BTRC: variants seen among roughly 807,000 people sequenced by gnomAD.
BTRC encodes F-box/WD repeat-containing protein 1A.
BTRC carries 42 observed loss-of-function variants against 85.5 expected under a neutral mutation model. The observed-to-expected ratio is 0.49, with a 90% confidence interval of 0.38 to 0.64. BTRC has a LOEUF of 0.64. Among genes scored for constraint, BTRC ranks in the 30% least tolerant of loss-of-function variants. BTRC has a pLI of 0.00. For synonymous variants in BTRC, 255 were observed against 263.3 expected, an observed-to-expected ratio of 0.97 and a Z score of 0.30; for missense variants, 594 against 743.5, an observed-to-expected ratio of 0.80 and a Z score of 2.34.
At chr10:101,385,250 C>A (rs1462059904) in intron 1 of BTRC, among the ~76,000 whole-genome samples, 1 of 151,044 alleles carries the variant, frequency 6.6e-6, no homozygotes, top group Non-Finnish European at 1.5e-5. Flanking sequence ...ACCTGTAGTC[C>A]CAGCTACTCA....
intron 3 of BTRC, among the ~76,000 whole-genome samples, chr10:101,466,038 A>C (rs1257174765): frequency 2.0e-5 from 3 of 152,218 alleles, no homozygotes; most frequent in Non-Finnish European, 4.4e-5. Context: ...AATCAAGGGC[A>C]AAGGCCTGGG....
At chr10:101,505,143 A>G (rs7088533) in intron 4 of BTRC, among the ~76,000 whole-genome samples, 1 of 48,334 alleles carries the variant, frequency 2.1e-5, no homozygotes, top group Admixed American at 2.4e-4. Context: ...ATATATGTAT[A>G]TATATATGTA....
At chr10:101,514,771 G>T (rs759659508) in intron 4 of BTRC, among the ~76,000 whole-genome samples, 6 of 151,532 alleles carry the variant, frequency 4.0e-5, no homozygotes, top group Non-Finnish European at 7.4e-5. Flanking sequence ...GAATTATCTT[G>T]GCATCTTTCT....
intron 1 of BTRC, among the ~76,000 whole-genome samples, chr10:101,400,833 T>C (rs551907535): frequency 3.2e-4 from 48 of 152,208 alleles, no homozygotes; most frequent in Non-Finnish European, 5.1e-4. Flanking sequence ...TATTTGCTCT[T>C]CTTGTTATAA....
chr10:101,532,789 T>C (rs45562434), intron 8 of BTRC, among the ~76,000 whole-genome samples, 163 bp from the exon 9 acceptor site: 2,674 of 78,164 alleles, frequency 0.034, 90 homozygotes, highest in African/African-American at 0.15. Context: ...TGTGTGTGTG[T>C]GCGCGTGTGC....
intron 1 of BTRC, among the ~76,000 whole-genome samples, chr10:101,380,434 C>G (rs1942899183): frequency 6.6e-6 from 1 of 151,204 alleles, no homozygotes; most frequent in African/African-American, 2.4e-5. Context: ...TTGGGGAGGG[C>G]AGAAAGATCA....
rs1233840145 is a variant in BTRC at position 101,432,885 on chromosome 10, A to T, written c.156+2433A>T. Among the ~76,000 whole-genome samples the T allele has an allele frequency of 7.2e-5, 11 of 152,270 alleles. No homozygotes were observed. The East Asian group carries it at 2.1e-3, about 29-fold the overall frequency. On this transcript the variant is annotated intron_variant, in intron 2 of 14. Transcript: ENST00000370187. ...ACTCACAGAGTATTACCAACCATGA[A>T]ATTGACCTGAGCCTTTGGTGTCCAG...
chr10:101,511,667 A>G (rs1181008177), intron 4 of BTRC, among the ~76,000 whole-genome samples: 1 of 152,084 alleles, frequency 6.6e-6, no homozygotes, highest in East Asian at 1.9e-4. Flanking sequence ...GCGAGGGTTC[A>G]CACACCATCA....
intron 2 of BTRC, among the ~76,000 whole-genome samples, chr10:101,453,320 C>A (rs1389297338): frequency 1.3e-5 from 2 of 152,220 alleles, no homozygotes; most frequent in East Asian, 3.9e-4. Flanking sequence ...AAAATGTGTT[C>A]AAAATCAGTT....
At chr10:101,455,907 C>T (rs1020798881) in intron 2 of BTRC, among the ~76,000 whole-genome samples, 17 of 150,602 alleles carry the variant, frequency 1.1e-4, no homozygotes, top group Non-Finnish European at 7.4e-5. Context: ...TTTGGGAGGC[C>T]GAGGTGGGTG....
intron 3 of BTRC, among the ~76,000 whole-genome samples, chr10:101,468,094 C>A (rs991915573): frequency 6.6e-6 from 1 of 152,070 alleles, no homozygotes; most frequent in South Asian, 2.1e-4. Flanking sequence ...CAAAAAGGAG[C>A]AATTTAATAA....
chr10:101,515,514 CA>C (rs1483884166), intron 4 of BTRC, among the ~76,000 whole-genome samples: 7 of 129,454 alleles, frequency 5.4e-5, no homozygotes, highest in Non-Finnish European at 1.1e-4. Context: ...AAATTTTATC[CA>C]TTTTTTTTTT....
At chr10:101,458,318 T>C (rs1945133075) in intron 2 of BTRC, among the ~76,000 whole-genome samples, 1 of 152,166 alleles carries the variant, frequency 6.6e-6, no homozygotes, top group African/African-American at 2.4e-5. Flanking sequence ...ATGGCACAAA[T>C]TATTGAGCCA....
chr10:101,497,924 G>A (rs1375413388), intron 4 of BTRC, among the ~76,000 whole-genome samples: 1 of 151,986 alleles, frequency 6.6e-6, no homozygotes, highest in Admixed American at 6.6e-5. Flanking sequence ...GGAGGCTGAG[G>A]CAGGAGAATT....
In BTRC at chr10:101,524,095, A is replaced by C. The variant is rs574843006; in HGVS notation, c.557-1918A>C. 3.2e-4 allele frequency among the ~76,000 whole-genome samples: 48 copies of C among 152,268 alleles called. 1 individual carries two copies. The highest frequency in any genetic ancestry group is 1.3e-3 in the Admixed American group (20 of 15,294). ...TTATATTTGCCAATTATACCTTTTT[A>C]AAATTTTTGTTTTTCTAAACTAGGA... is the stretch of plus-strand genomic sequence containing the variant. On this transcript the variant is annotated intron_variant, in intron 5 of 14. Transcript: ENST00000370187.
At chr10:101,405,286 C>T (rs1046927466) in intron 1 of BTRC, among the ~76,000 whole-genome samples, 1 of 152,070 alleles carries the variant, frequency 6.6e-6, no homozygotes, top group Non-Finnish European at 1.5e-5. Context: ...TTGTCTCACC[C>T]TTTTAGGATC....
intron 3 of BTRC, among the ~76,000 whole-genome samples, chr10:101,478,975 A>T (rs1945767249): frequency 6.6e-6 from 1 of 151,700 alleles, no homozygotes. Flanking sequence ...ATGCCCTCTA[A>T]CTACCTTCAG....
Position 101,532,972 on chromosome 10 carries a change from G to A in BTRC, c.999G>A (p.Leu333=), listed in dbSNP as rs777674405. ...CCTAGATCTGGGATAAAAACACATT[G>A]GAATGCAAGCGAATTCTCACAGGCC... The part of the protein sequence containing the change: ...NTIKIWDKNT[L]ECKRILTGHT... The change falls in exon 9 of 15, where the codon TTG becomes TTA. Residue 333 remains leucine, a synonymous_variant. Coordinates refer to ENST00000370187, the MANE Select transcript of BTRC (RefSeq NM_033637.4). The A allele has an allele frequency of 2.5e-6, 4 of 1,612,188 alleles. No individual in the cohort carries two copies. The highest frequency in any genetic ancestry group is 3.4e-6 in the Non-Finnish European group (4 of 1,178,874).
chr10:101,546,472 T>C (rs1447682330), intron 13 of BTRC, among the ~76,000 whole-genome samples: 1 of 152,130 alleles, frequency 6.6e-6, no homozygotes, highest in African/African-American at 2.4e-5. Context: ...GGGGAACATG[T>C]GATGTTTTGA....
Sources: allele counts gnomAD v4.1 joint callset (sites outside exome capture counted in the v4.1 genomes callset), GRCh38; gene constraint gnomAD v4.1.1; transcripts MANE v1.5; gene names NCBI Gene and HGNC (gene_info 2026-07-23, HGNC 2026-07-21).